The following SDK2 variants were observed in gnomAD, a reference collection of about 807,000 sequenced individuals.
SDK2 encodes sidekick cell adhesion molecule 2.
SDK2 carries 105 observed loss-of-function variants against 253.9 expected under a neutral mutation model. The ratio of observed to expected loss-of-function variants is 0.41; its 90% CI spans 0.35 to 0.49. SDK2 has a LOEUF of 0.49. Among genes scored for constraint, SDK2 ranks in the 20% least tolerant of loss-of-function variants. The pLI is 0.06. For synonymous variants in SDK2, 1,249 were observed against 1,234.9 expected (o/e 1.01, Z -0.24); for missense variants, 2,608 against 3,003.0 (o/e 0.87, Z 3.07).
intron 1 of SDK2, among the ~76,000 whole-genome samples, chr17:73,550,080 C>T: frequency 6.6e-6 from 1 of 152,180 alleles, no homozygotes; most frequent in Middle Eastern, 3.2e-3. Context: ...TCTGGTTGCA[C>T]CAGCCAGGCC....
At chr17:73,382,730 A>G (rs1406224870) in intron 33 of SDK2, among the ~76,000 whole-genome samples, 1 of 152,246 alleles carries the variant, frequency 6.6e-6, no homozygotes, top group Admixed American at 6.5e-5. Flanking sequence ...GGCCAGGTAC[A>G]GTGGCTCGCG....
At chr17:73,554,066 T>C (rs1471812747) in intron 1 of SDK2, among the ~76,000 whole-genome samples, 1 of 152,092 alleles carries the variant, frequency 6.6e-6, no homozygotes, top group African/African-American at 2.4e-5. Context: ...GGACCACCTA[T>C]TCCTAACCCT....
At position 73,481,825 on chromosome 17, in the gene SDK2, G is replaced by A. The variant is rs2063726538; in HGVS notation, c.225-9607C>T. Among the ~76,000 whole-genome samples, 1 of 152,182 alleles carries A rather than the reference G, an allele frequency of 6.6e-6. No homozygotes were observed. The highest frequency in any genetic ancestry group is 2.4e-5 in the African/African-American group (1 of 41,446). On this transcript the variant is annotated intron_variant, in intron 2 of 44. Transcript: ENST00000392650. The surrounding 1 kb of genome is among the most constrained non-coding windows in gnomAD (Gnocchi z 4.5). ...TGGGCCCAGACTGAATTACGGTACT[G>A]GATTTCTTGGGTTTCCAGCTTGCAG...
chr17:73,350,525 C>T, intron 42 of SDK2, 125 bp downstream of exon 42: 1 of 1,399,126 alleles, frequency 7.1e-7, no homozygotes. Flanking sequence ...CCCTAGGCTG[C>T]CCCACCCACC....
chr17:73,385,960 T>C, intron 31 of SDK2, 43 bp from the exon 32 acceptor site: 2 of 1,462,616 alleles, frequency 1.4e-6, no homozygotes, highest in Non-Finnish European at 1.9e-6. Flanking sequence ...GGCCGCAGCT[T>C]CAAGTTCCCC....
At chr17:73,557,413 C>T (rs2045161080) in intron 1 of SDK2, among the ~76,000 whole-genome samples, 1 of 152,048 alleles carries the variant, frequency 6.6e-6, no homozygotes. Context: ...AGCAATTCTC[C>T]TGCCTCAGCC....
At chr17:73,560,583 G>A (rs575503522) in intron 1 of SDK2, among the ~76,000 whole-genome samples, 38 of 152,268 alleles carry the variant, frequency 2.5e-4, no homozygotes, top group Admixed American at 8.5e-4. Flanking sequence ...CAAGTGATCC[G>A]CCTGCCTCGG....
chr17:73,400,370 C>T (rs761448559), intron 21 of SDK2, among the ~76,000 whole-genome samples: 12 of 152,130 alleles, frequency 7.9e-5, no homozygotes, highest in African/African-American at 2.9e-4. Flanking sequence ...ACCCTCTGGG[C>T]GACAGTGGGA....
chr17:73,410,966 A>G (rs934853800), intron 18 of SDK2, among the ~76,000 whole-genome samples: 6 of 152,128 alleles, frequency 3.9e-5, no homozygotes, highest in African/African-American at 7.2e-5. Flanking sequence ...GCCCTCCCAT[A>G]TGTAGAATAA....
intron 41 of SDK2, 67 bp from the exon 42 acceptor site, chr17:73,350,857 G>T: frequency 6.6e-7 from 1 of 1,507,142 alleles, no homozygotes. Flanking sequence ...TCCTGCTCCA[G>T]TTGGGACCCT....
chr17:73,497,847 G>A (rs1417039057), intron 2 of SDK2, among the ~76,000 whole-genome samples: 1 of 152,190 alleles, frequency 6.6e-6, no homozygotes, highest in Non-Finnish European at 1.5e-5. Context: ...AAGTCCCTAA[G>A]AGAGCTAAAC....
At chr17:73,553,971 C>G (rs2045104324) in intron 1 of SDK2, among the ~76,000 whole-genome samples, 1 of 152,148 alleles carries the variant, frequency 6.6e-6, no homozygotes. Context: ...GAGGAGAGGA[C>G]AGGAGCATGG....
At position 73,384,025 on chromosome 17, in the gene SDK2, G is replaced by A; in HGVS notation, c.4570-14C>T. ...CTCTGCTGGCGGCTGCAGGAAGGGA[G>A]TAGGGCATGGGGAGGGCACCTGGAC... On this transcript the variant is annotated splice_polypyrimidine_tract_variant and intron_variant, in intron 32 of 44. Transcript: ENST00000392650. 6.2e-7 allele frequency: 1 copy of A among 1,612,210 alleles called. No individual in the cohort carries two copies. Among genetic ancestry groups the A allele is most frequent in the South Asian group, 1.1e-5 (1 of 90,616 alleles).
intron 1 of SDK2, among the ~76,000 whole-genome samples, chr17:73,569,897 ACT>A (rs1285892985): frequency 6.6e-6 from 1 of 151,896 alleles, no homozygotes; most frequent in African/African-American, 2.4e-5. Flanking sequence ...GGCTGTCACC[ACT>A]CTCAGGTCCA....
intron 36 of SDK2, among the ~76,000 whole-genome samples, chr17:73,375,931 C>T (rs1231162046): frequency 6.6e-6 from 1 of 151,982 alleles, no homozygotes; most frequent in African/African-American, 2.4e-5. Context: ...TGCGCTGGCT[C>T]ACTCCTGTAA....
At chr17:73,586,959 G>A (rs1599703459) in intron 1 of SDK2, among the ~76,000 whole-genome samples, 2 of 152,188 alleles carry the variant, frequency 1.3e-5, no homozygotes, top group African/African-American at 4.8e-5. Flanking sequence ...CTGACCCTCA[G>A]TTTCCTCATC....
At chr17:73,635,683 C>T (rs1423852448) in intron 1 of SDK2, among the ~76,000 whole-genome samples, 1 of 152,168 alleles carries the variant, frequency 6.6e-6, no homozygotes. Flanking sequence ...TAATAGCTTC[C>T]TACATGGCAT....
At chr17:73,580,270 A>G (rs9910571) in intron 1 of SDK2, among the ~76,000 whole-genome samples, 5,877 of 152,278 alleles carry the variant, frequency 0.039, 199 homozygotes, top group African/African-American at 0.093. Context: ...GCACATACCA[A>G]CGTGTAATTA....
chr17:73,581,664 T>C (rs1012598742), intron 1 of SDK2, among the ~76,000 whole-genome samples: 6 of 152,142 alleles, frequency 3.9e-5, no homozygotes, highest in African/African-American at 1.4e-4. Flanking sequence ...GAGGCAACAC[T>C]CTCGGAATGC....
Sources: allele counts gnomAD v4.1 joint callset (sites outside exome capture counted in the v4.1 genomes callset), GRCh38; gene constraint gnomAD v4.1.1; non-coding constraint Gnocchi (gnomAD v3.1); transcripts MANE v1.5; gene names NCBI Gene and HGNC (gene_info 2026-07-23, HGNC 2026-07-21).